The following ZNF556 variants were observed in gnomAD, a reference collection of about 807,000 sequenced individuals.
ZNF556 encodes zinc finger protein 556.
In ZNF556, 11 loss-of-function variants were observed where a neutral mutation model predicts 13.6. The observed-to-expected ratio is 0.81, with a 90% CI of 0.51 to 1.33. The LOEUF (loss-of-function observed/expected upper bound fraction) is 1.33, where lower values mean the gene tolerates loss of function less well. Ranked by LOEUF, ZNF556 falls within the 40% of genes most tolerant of loss-of-function variation. The pLI is 0.00. For synonymous variants in ZNF556, 229 were observed against 207.8 expected (o/e 1.10, Z -0.88); for missense variants, 633 against 566.2 (o/e 1.12, Z -1.20).
At chr19:2,868,328 G>A (rs2087774544) in intron 1 of ZNF556, among the ~76,000 whole-genome samples, 2 of 152,178 alleles carry the variant, frequency 1.3e-5, no homozygotes, top group South Asian at 4.1e-4. Context: ...ATAATTTGGT[G>A]AATTACAAAA....
At chr19:2,868,223 G>A (rs576528121) in intron 1 of ZNF556, among the ~76,000 whole-genome samples, 399 of 151,734 alleles carry the variant, frequency 2.6e-3, no homozygotes, top group African/African-American at 9.2e-3. Context: ...CGGGGCTCCC[G>A]GGAAAAAGAA....
rs542072303 is a variant in ZNF556 at position 2,878,590 on chromosome 19, G to T, written c.*261G>T. On this transcript the variant is annotated 3_prime_UTR_variant, in exon 4 of 4. Transcript: ENST00000307635. ...GCTCAGGAGGCTGAGGCAGGAGAAC[G>T]GCGTGAACCCGGGAGGCGGAGCTTG... The T allele has an allele frequency of 1.6e-5, 5 of 310,998 alleles. No homozygotes were observed. The highest frequency in any genetic ancestry group is 2.4e-5 in the Non-Finnish European group (4 of 165,572). 19.3% of individuals were successfully genotyped at this position (310,998 alleles called of 1,614,324 possible).
intron 2 of ZNF556, chr19:2,875,633 G>C (rs959153665): frequency 6.4e-6 from 1 of 155,114 alleles, no homozygotes; most frequent in African/African-American, 2.4e-5. Context: ...GCCTCCACAG[G>C]CTCCAAGATG....
intron 1 of ZNF556, among the ~76,000 whole-genome samples, chr19:2,869,354 A>G (rs2087782972): frequency 1.4e-5 from 2 of 147,756 alleles, no homozygotes; most frequent in Non-Finnish European, 1.5e-5. Flanking sequence ...GAAATTTTAT[A>G]TCTCCTCTTT....
rs4807353 is a variant in ZNF556, at chr19:2,882,244, G to A, written c.*3915G>A. The A allele has an allele frequency of 0.34, 52,009 of 151,782 alleles. 10,618 individuals are homozygous for A. Among genetic ancestry groups the A allele is most frequent in the East Asian group, 0.83 (4,272 of 5,124 alleles). 9.4% of individuals were successfully genotyped at this position (151,782 alleles called of 1,614,324 possible). On this transcript the variant is annotated 3_prime_UTR_variant, in exon 4 of 4. Transcript: ENST00000307635. Reference sequence around the variant, plus strand: ...AGATCAAGACCATCCTGGCTAACCCGGTGAAACCCTGTCTCTAGTAAAAAA... The same window carrying A: ...AGATCAAGACCATCCTGGCTAACCCAGTGAAACCCTGTCTCTAGTAAAAAA...
At chr19:2,873,163 G>A (rs1244289578) in intron 1 of ZNF556, among the ~76,000 whole-genome samples, 1 of 151,928 alleles carries the variant, frequency 6.6e-6, no homozygotes, top group Non-Finnish European at 1.5e-5. Context: ...TGTACTAAGA[G>A]TGTAAATCTT....
Position 2,877,421 on chromosome 19 carries a change from C to T in ZNF556, c.463C>T (p.Leu155Phe), listed in dbSNP as rs1404219785. The T allele has an allele frequency of 6.2e-7, 1 of 1,614,150 alleles. No individual in the cohort carries two copies. The highest frequency in any genetic ancestry group is 8.5e-7 in the Non-Finnish European group (1 of 1,180,032). ...RRYECSQCGK[L>F]FTHSSSLIRH... Reference sequence around the variant, plus strand: ...GTACGAATGCAGTCAGTGTGGAAAACTCTTCACCCATTCCTCATCCCTGAT... The same window carrying T: ...GTACGAATGCAGTCAGTGTGGAAAATTCTTCACCCATTCCTCATCCCTGAT... Residue 155 changes from leucine (L) to phenylalanine (F), a missense_variant, in exon 4 of 4, where the codon CTC becomes TTC. Coordinates refer to ENST00000307635, the MANE Select transcript of ZNF556 (RefSeq NM_024967.3).
At chr19:2,873,690 A>T in intron 2 of ZNF556, 68 bp downstream of exon 2, 1 of 1,555,208 alleles carries the variant, frequency 6.4e-7, no homozygotes, top group South Asian at 1.2e-5. Context: ...GCAGTGGTTC[A>T]TGCCTGTATT....
In ZNF556 at chr19:2,876,494, C is replaced by T. The variant is rs10414076; in HGVS notation, c.314+218C>T. ...CAGCACTTTGGGAGGCCGAGGGAGGCGGATCACCTGGGGTGAGGAGTTTGT... is the reference window on the plus strand; with the variant it reads ...CAGCACTTTGGGAGGCCGAGGGAGGTGGATCACCTGGGGTGAGGAGTTTGT... On this transcript the variant is annotated intron_variant, in intron 3 of 3. Transcript: ENST00000307635. Among the ~76,000 whole-genome samples the T allele has an allele frequency of 9.2e-5, 14 of 151,938 alleles. No individual in the cohort carries two copies. The highest frequency in any genetic ancestry group is 3.9e-4 in the Admixed American group (6 of 15,264).
intron 2 of ZNF556, among the ~76,000 whole-genome samples, 196 bp from the exon 3 acceptor site, chr19:2,875,895 CAG>C (rs1360941014): frequency 1.3e-5 from 2 of 152,016 alleles, no homozygotes; most frequent in Non-Finnish European, 2.9e-5. Context: ...ACCCGGGAGG[CAG>C]AGTTTGCAGT....
chr19:2,868,724 T>G (rs533314016), intron 1 of ZNF556, among the ~76,000 whole-genome samples: 354 of 127,358 alleles, frequency 2.8e-3, no homozygotes, highest in South Asian at 8.7e-3. Context: ...CTAGCTAATT[T>G]TTTTTTTTTT....
At chr19:2,870,241 G>T (rs1309927979) in intron 1 of ZNF556, among the ~76,000 whole-genome samples, 1 of 151,628 alleles carries the variant, frequency 6.6e-6, no homozygotes, top group East Asian at 1.9e-4. Flanking sequence ...GAGGTCAGGA[G>T]TTCGAGACCA....
At position 2,877,902 on chromosome 19, in the gene ZNF556, A is replaced by C. The variant is rs201270528; in HGVS notation, c.944A>C (p.Tyr315Ser). The C allele has an allele frequency of 1.2e-6, 2 of 1,614,162 alleles. No individual in the cohort carries two copies. The highest frequency in any genetic ancestry group is 4.5e-5 in the East Asian group (2 of 44,876). The change falls in exon 4 of 4, where the codon TAT becomes TCT. Residue 315 changes from tyrosine to serine, a missense_variant. Transcript: ENST00000307635. ...AGAATTCACAACGGGGAGAAACCCT[A>C]TAAGTGTGGAAAATGCGGGAAAGCA... ...HVRIHNGEKP[Y>S]KCGKCGKAFG...
rs1261052967 is a variant in ZNF556, at chr19:2,876,121, G to T, written c.159G>T (p.Gly53=). The T allele has an allele frequency of 1.2e-6, 2 of 1,611,508 alleles. No homozygotes were observed. Among genetic ancestry groups the T allele is most frequent in the Non-Finnish European group, 1.7e-6 (2 of 1,179,424 alleles). ...ATGAGGCTCAGCTTAAAGCCAGTGG[G>T]TCTATTTCTCAGCAGGATACTTCTG... ...VDNEAQLKAS[G]SISQQDTSGE... is the part of the protein sequence containing the mutation. The change falls in exon 3 of 4, where the codon GGG becomes GGT. Residue 53 remains glycine, a synonymous_variant. Transcript: ENST00000307635.
intron 2 of ZNF556, among the ~76,000 whole-genome samples, chr19:2,874,779 AAAAAG>A (rs1263352196): frequency 6.7e-6 from 1 of 149,844 alleles, no homozygotes; most frequent in African/African-American, 2.4e-5. Context: ...AGAAAGAAAG[AAAAAG>A]AAAAGACTTA....
rs957258618 is a variant in ZNF556 at position 2,882,664 on chromosome 19, C to A, written c.*4335C>A. 6.6e-6 allele frequency: 1 copy of A among 151,974 alleles called. No individual in the cohort carries two copies. Among genetic ancestry groups the A allele is most frequent in the African/African-American group, 2.4e-5 (1 of 41,284 alleles). 9.4% of individuals were successfully genotyped at this position (151,974 alleles called of 1,614,324 possible). On this transcript the variant is annotated 3_prime_UTR_variant, in exon 4 of 4. Coordinates refer to ENST00000307635, the MANE Select transcript of ZNF556 (RefSeq NM_024967.3). Reference sequence around the variant, plus strand: ...CCACCTCCCAGGTTCAAGCGATTCTCCTGCCTCACCCTCCCAAGTGGCTGG... The same window carrying A: ...CCACCTCCCAGGTTCAAGCGATTCTACTGCCTCACCCTCCCAAGTGGCTGG...
chr19:2,877,888 C>A lies in ZNF556; in HGVS notation c.930C>A (p.Asn310Lys), dbSNP rs188271700. 3.7e-6 allele frequency: 6 copies of A among 1,614,154 alleles called. No homozygotes were observed. Among genetic ancestry groups the A allele is most frequent in the Non-Finnish European group, 5.1e-6 (6 of 1,180,034 alleles). Residue 310 changes from asparagine to lysine, a missense_variant, in exon 4 of 4, where the codon AAC (asparagine) becomes AAA (lysine). Coordinates refer to ENST00000307635, the MANE Select transcript of ZNF556 (RefSeq NM_024967.3). ...TTCAACGACACGTGAGAATTCACAA[C>A]GGGGAGAAACCCTATAAGTGTGGAA... is the stretch of plus-strand genomic sequence containing the variant. ...TSFQRHVRIH[N>K]GEKPYKCGKC...
rs2087893899 is a variant in ZNF556, at chr19:2,880,115, T to C, written c.*1786T>C. ...ATCTACTGTGACCTAGTATTCTTCG[T>C]GAGATAAATCTTACCTTTCATGAGA... On this transcript the variant is annotated 3_prime_UTR_variant, in exon 4 of 4. Coordinates refer to ENST00000307635, the MANE Select transcript of ZNF556 (RefSeq NM_024967.3). 1 of 152,190 alleles carries C rather than the reference T, an allele frequency of 6.6e-6. No homozygotes were observed. The highest frequency in any genetic ancestry group is 1.5e-5 in the Non-Finnish European group (1 of 68,036). 9.4% of individuals were successfully genotyped at this position (152,190 alleles called of 1,614,324 possible). A position where few individuals can be genotyped will look rare whatever the true frequency, so the allele number is the denominator to read the frequency against.
rs369447220 is a variant in ZNF556 at position 2,878,357 on chromosome 19, A to G, written c.*28A>G. 1.3e-5 allele frequency: 21 copies of G among 1,597,282 alleles called. No individual in the cohort carries two copies. Among genetic ancestry groups the G allele is most frequent in the Non-Finnish European group, 1.7e-5 (20 of 1,171,340 alleles). On this transcript the variant is annotated 3_prime_UTR_variant, in exon 4 of 4. Coordinates refer to ENST00000307635, the MANE Select transcript of ZNF556 (RefSeq NM_024967.3). Reference sequence around the variant, plus strand: ...GGGGAAAACCTGTGCAAATTAATTCACATACATGGTTCAGAAAATTCACAG... The same window carrying G: ...GGGGAAAACCTGTGCAAATTAATTCGCATACATGGTTCAGAAAATTCACAG...
Sources: gnomAD v4.1 joint callset for allele counts (sites outside exome capture counted in the v4.1 genomes callset) on GRCh38, gnomAD v4.1.1 for gene constraint, MANE v1.5 for transcripts, NCBI Gene and HGNC (gene_info 2026-07-23, HGNC 2026-07-21) for gene names.